ALMS1: variants seen among roughly 807,000 people sequenced by gnomAD.
The protein encoded by ALMS1 is centrosome-associated protein ALMS1.
In ALMS1, 271 loss-of-function variants were observed where a neutral mutation model predicts 352.2. That is an observed-to-expected ratio of 0.77 (90% CI 0.70 to 0.85). The LOEUF is 0.85. Among genes scored for constraint, ALMS1 ranks in the 40% least tolerant of loss-of-function variants. The pLI, the probability that ALMS1 is intolerant of heterozygous loss-of-function variation, is 0.00. For missense variants in ALMS1, 5,445 were observed against 4,870.7 expected, an observed-to-expected ratio of 1.12 and a Z score of -3.51; for synonymous variants, 1,865 against 1,761.2, an observed-to-expected ratio of 1.06 and a Z score of -1.48.
intron 1 of ALMS1, among the ~76,000 whole-genome samples, chr2:73,400,984 G>A (rs183235859): frequency 2.0e-4 from 31 of 152,010 alleles, no homozygotes; most frequent in African/African-American, 7.0e-4. Context: ...TTAGGGTTTC[G>A]CCACTTTGGC....
At chr2:73,388,803 CT>C (rs369153589) in intron 1 of ALMS1, among the ~76,000 whole-genome samples, 4 of 150,558 alleles carry the variant, frequency 2.7e-5, no homozygotes, top group African/African-American at 4.9e-5. Context: ...AGATTTTTTT[CT>C]TTTTTTTTAA....
intron 5 of ALMS1, 40 bp downstream of exon 5, chr2:73,424,942 T>C: frequency 1.3e-6 from 2 of 1,512,486 alleles, no homozygotes; most frequent in Non-Finnish European, 9.0e-7. Flanking sequence ...TCTGACACAA[T>C]TGATAAAAAT....
At chr2:73,385,816 C>CCCTCCCTCCCCCCCTCCT, upstream of ALMS1, 6 of 681,620 alleles carry the variant, frequency 8.8e-6, no homozygotes, top group Admixed American at 1.1e-4. Flanking sequence ...TCTCCCCTTC[C>CCCTCCCTCCCCCCCTCCT]CCTCCCTCCC....
At chr2:73,396,976 A>C (rs1254634040) in intron 1 of ALMS1, among the ~76,000 whole-genome samples, 1 of 152,020 alleles carries the variant, frequency 6.6e-6, no homozygotes, top group Non-Finnish European at 1.5e-5. Context: ...TTTGAGGGCA[A>C]GTTTTCTAAG....
chr2:73,524,441 G>C (rs1673746736), intron 11 of ALMS1, among the ~76,000 whole-genome samples: 1 of 151,856 alleles, frequency 6.6e-6, no homozygotes, highest in African/African-American at 2.4e-5. Context: ...ACATTATTTT[G>C]GTTATTTTAT....
intron 10 of ALMS1, among the ~76,000 whole-genome samples, chr2:73,493,451 G>A (rs1012496733): frequency 4.0e-5 from 6 of 151,416 alleles, no homozygotes; most frequent in African/African-American, 7.3e-5. Context: ...GGCTGGGTGC[G>A]GTGGCTCACA....
intron 10 of ALMS1, among the ~76,000 whole-genome samples, chr2:73,504,037 C>T (rs1289919516): frequency 6.6e-6 from 1 of 152,104 alleles, no homozygotes; most frequent in African/African-American, 2.4e-5. Context: ...TCAATTTCTA[C>T]CTTTTTTCTT....
At chr2:73,505,641 G>C (rs1231651531) in intron 10 of ALMS1, among the ~76,000 whole-genome samples, 1 of 151,816 alleles carries the variant, frequency 6.6e-6, no homozygotes, top group African/African-American at 2.4e-5. Flanking sequence ...CTTGATTTTT[G>C]TTCTTTTGCA....
chr2:73,419,204 A>G lies in ALMS1; in HGVS notation c.532A>G (p.Arg178Gly), dbSNP rs2103701456. 1.2e-6 allele frequency: 2 copies of G among 1,614,024 alleles called. No homozygotes were observed. The highest frequency in any genetic ancestry group is 1.7e-6 in the Non-Finnish European group (2 of 1,179,900). Residue 178 changes from arginine to glycine, a missense_variant, in exon 3 of 23, where the codon AGA becomes GGA. Coordinates refer to ENST00000613296, the MANE Select transcript of ALMS1 (RefSeq NM_001378454.1). ...LDTSQTRFNVRTEDTEVTDFP... is the reference protein window; with the variant it reads ...LDTSQTRFNVGTEDTEVTDFP... The stretch of plus-strand genomic sequence containing the variant: ...TACATCCCAGACTAGGTTTAATGTG[A>G]GAACGGAAGATACTGAAGTGACAGA...
chr2:73,486,053 G>C (rs149276105), intron 9 of ALMS1, among the ~76,000 whole-genome samples: 1 of 152,036 alleles, frequency 6.6e-6, no homozygotes. Flanking sequence ...CACGCTGGGA[G>C]CTGTAGACCG....
chr2:73,546,744 A>C (rs1465674572), intron 12 of ALMS1, among the ~76,000 whole-genome samples: 3 of 152,206 alleles, frequency 2.0e-5, no homozygotes. Flanking sequence ...AGAGGGAAGA[A>C]GATGGGGAAA....
At chr2:73,481,370 A>G (rs1672699959) in intron 9 of ALMS1, among the ~76,000 whole-genome samples, 1 of 152,172 alleles carries the variant, frequency 6.6e-6, no homozygotes, top group Non-Finnish European at 1.5e-5. Context: ...CAGGTTTGTC[A>G]AAGATCAGAT....
chr2:73,460,876 C>A (rs1219887285), intron 9 of ALMS1, among the ~76,000 whole-genome samples: 3 of 152,252 alleles, frequency 2.0e-5, no homozygotes, highest in African/African-American at 7.2e-5. Flanking sequence ...TGCAAGGCAG[C>A]AGCGAGGCTG....
At chr2:73,430,277 C>T (rs1041676081) in intron 6 of ALMS1, among the ~76,000 whole-genome samples, 12 of 151,994 alleles carry the variant, frequency 7.9e-5, no homozygotes, top group South Asian at 2.1e-4. Flanking sequence ...GGGGTTTCAC[C>T]GTGTTAGCCA....
At chr2:73,586,551 G>A (rs1298767468) in intron 16 of ALMS1, among the ~76,000 whole-genome samples, 2 of 152,044 alleles carry the variant, frequency 1.3e-5, no homozygotes, top group African/African-American at 4.8e-5. Flanking sequence ...AAGATCAGTT[G>A]GCTGTAAGTA....
intron 1 of ALMS1, among the ~76,000 whole-genome samples, chr2:73,400,964 T>C (rs1670861774): frequency 6.6e-6 from 1 of 152,140 alleles, no homozygotes; most frequent in African/African-American, 2.4e-5. Flanking sequence ...TTTTTGCATT[T>C]TTAGTAGATT....
chr2:73,386,219 AG>A, intron 1 of ALMS1, 27 bp downstream of exon 1: 1 of 1,490,312 alleles, frequency 6.7e-7, no homozygotes, highest in Non-Finnish European at 8.9e-7. Context: ...AGGGGTGTGG[AG>A]CCGCGGCGAG....
chr2:73,395,052 A>ATGTGTGTG, intron 1 of ALMS1, among the ~76,000 whole-genome samples: 1 of 129,112 alleles, frequency 7.7e-6, no homozygotes, highest in Non-Finnish European at 1.6e-5. Flanking sequence ...GTGTATATAT[A>ATGTGTGTG]TATATGTGTA....
intron 1 of ALMS1, among the ~76,000 whole-genome samples, chr2:73,389,814 C>T (rs563413817): frequency 3.3e-5 from 5 of 152,018 alleles, no homozygotes; most frequent in Non-Finnish European, 5.9e-5. Context: ...CTCAGCCTCC[C>T]GAGTAGCTGG....
Sources: allele counts gnomAD v4.1 joint callset (sites outside exome capture counted in the v4.1 genomes callset), GRCh38; gene constraint gnomAD v4.1.1; transcripts MANE v1.5; gene names NCBI Gene and HGNC (gene_info 2026-07-23, HGNC 2026-07-21).